The following SDK1 variants were observed in gnomAD, a reference collection of about 807,000 sequenced individuals.
SDK1 encodes protein sidekick-1.
In SDK1, 157 loss-of-function variants were observed where a neutral mutation model predicts 245.5. The observed-to-expected ratio is 0.64, with a 90% CI of 0.56 to 0.73. The LOEUF is 0.73. Among genes scored for constraint, SDK1 ranks in the 30% least tolerant of loss-of-function variants. The pLI is 0.00. For missense variants in SDK1, 3,583 were observed against 3,002.3 expected (o/e 1.19, Z -4.52); for synonymous variants, 1,647 against 1,278.5 (o/e 1.29, Z -6.15).
At chr7:3,954,639 T>G (rs944516214) in intron 7 of SDK1, among the ~76,000 whole-genome samples, 9 of 103,856 alleles carry the variant, frequency 8.7e-5, no homozygotes, top group Non-Finnish European at 1.5e-4. Context: ...TGGCCTCCCC[T>G]CTACACCCTC....
chr7:4,004,666 T>C (rs1290760659), intron 14 of SDK1, among the ~76,000 whole-genome samples: 2 of 152,250 alleles, frequency 1.3e-5, no homozygotes, highest in African/African-American at 2.4e-5. Context: ...TTCCTCACTT[T>C]CCTTTTGCTA....
intron 1 of SDK1, among the ~76,000 whole-genome samples, chr7:3,483,604 G>C (rs1270348979): frequency 6.6e-6 from 1 of 152,150 alleles, no homozygotes; most frequent in Non-Finnish European, 1.5e-5. Context: ...AAGTGGAACA[G>C]ATATCCTTGT....
intron 4 of SDK1, among the ~76,000 whole-genome samples, chr7:3,693,846 C>G (rs1162444265): frequency 6.6e-6 from 1 of 152,080 alleles, no homozygotes; most frequent in African/African-American, 2.4e-5. Flanking sequence ...GCAGTGAACA[C>G]CTGGTCCCCG....
chr7:4,199,227 A>T lies in SDK1; in HGVS notation c.5099-6652A>T, dbSNP rs141131985. Among the ~76,000 whole-genome samples, 8 of 152,234 alleles carry T rather than the reference A, an allele frequency of 5.3e-5. No homozygotes were observed. The East Asian group carries it at 1.5e-3, about 29-fold the overall frequency. ...GGGCTGTGGATTGCACCATGGAGGA[A>T]CACCACCGCTTGTGATGCTGTCATG... On this transcript the variant is annotated intron_variant, in intron 35 of 44. Transcript: ENST00000404826.
At chr7:3,752,189 C>G (rs559103598) in intron 4 of SDK1, among the ~76,000 whole-genome samples, 42 of 152,246 alleles carry the variant, frequency 2.8e-4, no homozygotes, top group African/African-American at 9.4e-4. Context: ...GTTAACTGTT[C>G]TCCATTAGCT....
At chr7:3,310,970 G>T (rs1179024470) in intron 1 of SDK1, among the ~76,000 whole-genome samples, 2 of 152,162 alleles carry the variant, frequency 1.3e-5, no homozygotes, top group Non-Finnish European at 2.9e-5. Context: ...GCATTACCAA[G>T]TACATAGCAT....
intron 4 of SDK1, among the ~76,000 whole-genome samples, chr7:3,789,841 C>T (rs1330008039): frequency 1.3e-5 from 2 of 151,626 alleles, no homozygotes; most frequent in Non-Finnish European, 2.9e-5. Flanking sequence ...GGAACGGGGA[C>T]TGTTGCAGTC....
chr7:3,609,777 T>C (rs1389549187), intron 1 of SDK1, among the ~76,000 whole-genome samples: 2 of 138,018 alleles, frequency 1.4e-5, no homozygotes, highest in East Asian at 4.8e-4. Context: ...CTTGGCTCAC[T>C]GCAACCTTTG....
intron 4 of SDK1, among the ~76,000 whole-genome samples, chr7:3,673,478 T>C (rs1783784701): frequency 6.6e-6 from 1 of 152,240 alleles, no homozygotes; most frequent in African/African-American, 2.4e-5. Context: ...TTAAAACTCA[T>C]AATCATTTAT....
At chr7:3,653,967 G>A (rs1224241987) in intron 4 of SDK1, among the ~76,000 whole-genome samples, 3 of 152,288 alleles carry the variant, frequency 2.0e-5, no homozygotes, top group South Asian at 4.1e-4. Context: ...TTCAGAGATG[G>A]AGAGTATATG....
chr7:4,079,557 C>A lies in SDK1; in HGVS notation c.3297C>A (p.Ser1099=). Residue 1099 remains serine (S), a synonymous_variant, in exon 22 of 45, where the codon TCC becomes TCA. Transcript: ENST00000404826. Reference sequence around the variant, plus strand: ...GGCCAGGCTATGACGGGAAAACGTCCATCTCCAGGTGGATTGTTGAGGGGC... The same window carrying A: ...GGCCAGGCTATGACGGGAAAACGTCAATCTCCAGGTGGATTGTTGAGGGGC... ...QFRPGYDGKT[S]ISRWIVEGQV... 6.2e-7 allele frequency: 1 copy of A among 1,614,214 alleles called. No individual in the cohort carries two copies. Among genetic ancestry groups the A allele is most frequent in the Non-Finnish European group, 8.5e-7 (1 of 1,180,038 alleles).
At chr7:3,939,134 A>G (rs564512286) in intron 5 of SDK1, among the ~76,000 whole-genome samples, 1 of 152,352 alleles carries the variant, frequency 6.6e-6, no homozygotes, top group African/African-American at 2.4e-5. Flanking sequence ...GGAAACGAGA[A>G]GAACCTAGTC....
chr7:4,250,630 C>T (rs1267131487), intron 44 of SDK1, among the ~76,000 whole-genome samples: 3 of 152,180 alleles, frequency 2.0e-5, no homozygotes, highest in African/African-American at 7.2e-5. Context: ...CAGGCATGAG[C>T]CACTGTGCCC....
Position 3,753,274 on chromosome 7 carries a change from TG to T in SDK1, c.714-68174del, listed in dbSNP as rs372281962. Among the ~76,000 whole-genome samples the T allele has an allele frequency of 3.5e-3, 529 of 152,356 alleles. 4 individuals carry two copies. Among genetic ancestry groups the T allele is most frequent in the South Asian group, 0.016 (78 of 4,828 alleles). ...TATGAACCTTATTTTTGAATTTCCC[TG>T]GAATCTATTGCTATTAAAGCCATTA... On this transcript the variant is annotated intron_variant, in intron 4 of 44. Coordinates refer to ENST00000404826, the MANE Select transcript of SDK1 (RefSeq NM_152744.4).
At chr7:3,311,446 G>C (rs562482327) in intron 1 of SDK1, among the ~76,000 whole-genome samples, 2 of 152,244 alleles carry the variant, frequency 1.3e-5, no homozygotes, top group South Asian at 4.1e-4. Context: ...AGGGAGAAAA[G>C]AGTCAACCGG....
intron 5 of SDK1, among the ~76,000 whole-genome samples, chr7:3,834,272 G>A (rs1036489976): frequency 7.9e-5 from 12 of 152,216 alleles, no homozygotes; most frequent in African/African-American, 2.9e-4. Flanking sequence ...ATACTTATCA[G>A]GCATTACGCT....
intron 35 of SDK1, among the ~76,000 whole-genome samples, chr7:4,196,088 C>CT (rs1308424834): frequency 1.3e-5 from 2 of 152,180 alleles, no homozygotes; most frequent in Non-Finnish European, 2.9e-5. Flanking sequence ...ATGTCCAAGC[C>CT]TAGAGAAGCA....
rs1184764638 is a variant in SDK1 at position 4,049,345 on chromosome 7, C to A, written c.2603-3C>A. ...GCTGTCATCAATGACTGCCCTGCCA[C>A]AGTGCCCACCGCGCCCCCGCAGAAC... On this transcript the variant is annotated splice_region_variant and splice_polypyrimidine_tract_variant and intron_variant, in intron 17 of 44. Coordinates refer to ENST00000404826, the MANE Select transcript of SDK1 (RefSeq NM_152744.4). 6.2e-7 allele frequency: 1 copy of A among 1,612,960 alleles called. No individual in the cohort carries two copies. The highest frequency in any genetic ancestry group is 1.7e-5 in the Admixed American group (1 of 60,030).
At chr7:3,504,091 A>G in intron 1 of SDK1, among the ~76,000 whole-genome samples, 1 of 151,758 alleles carries the variant, frequency 6.6e-6, no homozygotes, top group Non-Finnish European at 1.5e-5. Flanking sequence ...CAGAGGTTGT[A>G]GTGAGCCAAG....
Sources: allele counts gnomAD v4.1 joint callset (sites outside exome capture counted in the v4.1 genomes callset), GRCh38; gene constraint gnomAD v4.1.1; transcripts MANE v1.5; gene names NCBI Gene and HGNC (gene_info 2026-07-23, HGNC 2026-07-21).